VPS13B: variants seen among roughly 807,000 people sequenced by gnomAD.
VPS13B encodes the protein intermembrane lipid transfer protein VPS13B.
VPS13B carries 285 observed loss-of-function variants against 426.4 expected under a neutral mutation model. That is an observed-to-expected ratio of 0.67 (90% CI 0.61 to 0.74). VPS13B has a LOEUF of 0.74. VPS13B is among the 30% of genes least tolerant of loss of function. The pLI is 0.00. For missense variants in VPS13B, 4,537 were observed against 4,782.6 expected, an observed-to-expected ratio of 0.95 and a Z score of 1.51; for synonymous variants, 1,676 against 1,676.4, an observed-to-expected ratio of 1.00 and a Z score of 0.01.
intron 19 of VPS13B, among the ~76,000 whole-genome samples, chr8:99,352,788 C>T (rs1335156535): frequency 6.6e-6 from 1 of 151,310 alleles, no homozygotes; most frequent in African/African-American, 2.4e-5. Flanking sequence ...CGTGCCATTG[C>T]ACTCCAGCCT....
chr8:99,396,093 A>T (rs1171923434), intron 21 of VPS13B, among the ~76,000 whole-genome samples: 1 of 152,164 alleles, frequency 6.6e-6, no homozygotes, highest in Non-Finnish European at 1.5e-5. Context: ...AGCCTTATCG[A>T]ACCGTGGGAT....
chr8:99,138,634 A>G (rs1810212159), intron 12 of VPS13B, among the ~76,000 whole-genome samples: 1 of 152,240 alleles, frequency 6.6e-6, no homozygotes. Flanking sequence ...ATAAGAGGAA[A>G]ATTTTTGGAG....
At chr8:99,014,065 G>T in intron 2 of VPS13B, 130 bp downstream of exon 2, 6 of 868,178 alleles carry the variant, frequency 6.9e-6, no homozygotes, top group East Asian at 3.1e-5. Flanking sequence ...GAGCTACCCT[G>T]AAACAAGGGG....
chr8:99,573,637 C>T (rs941155619), intron 31 of VPS13B, among the ~76,000 whole-genome samples: 2 of 152,154 alleles, frequency 1.3e-5, no homozygotes, highest in African/African-American at 4.8e-5. Context: ...TCTGAGGGCT[C>T]TGTTCTGTTC....
intron 19 of VPS13B, among the ~76,000 whole-genome samples, chr8:99,281,536 A>G (rs1819170516): frequency 6.6e-6 from 1 of 152,216 alleles, no homozygotes; most frequent in East Asian, 1.9e-4. Flanking sequence ...CCTGTTATGT[A>G]ATTCACTGCA....
At chr8:99,766,553 T>TTG (rs1352609922) in intron 39 of VPS13B, among the ~76,000 whole-genome samples, 1 of 152,218 alleles carries the variant, frequency 6.6e-6, no homozygotes, top group African/African-American at 2.4e-5. Context: ...CTTTTAAAAT[T>TTG]TTGGCTGTTT....
intron 5 of VPS13B, among the ~76,000 whole-genome samples, chr8:99,107,830 A>G (rs1474392737): frequency 3.3e-5 from 5 of 152,204 alleles, no homozygotes; most frequent in Non-Finnish European, 7.3e-5. Context: ...GAGAATTAAT[A>G]TTTCTTTTTA....
Position 99,384,578 on chromosome 8 carries a change from AC to A in VPS13B, c.2934+263del, listed in dbSNP as rs141217373. Among the ~76,000 whole-genome samples the A allele has an allele frequency of 0.014, 2,072 of 152,266 alleles. 42 individuals are homozygous for A. The highest frequency in any genetic ancestry group is 0.047 in the African/African-American group (1,961 of 41,546). ...GAAACTAGTTTAGGAGTCCTATTTC[AC>A]CAGTCTTCATTCTTTCATAGTGTCT... is the stretch of plus-strand genomic sequence containing the variant. On this transcript the variant is annotated intron_variant, in intron 20 of 61. Coordinates refer to ENST00000357162, the MANE Select transcript of VPS13B (RefSeq NM_152564.5).
chr8:99,620,986 CAAAAAAAAAAA>C (rs397892235), intron 33 of VPS13B, among the ~76,000 whole-genome samples: 3 of 50,858 alleles, frequency 5.9e-5, no homozygotes, highest in Admixed American at 3.8e-4. Context: ...AACTCCATCT[CAAAAAAAAAAA>C]AAAAAAAAAA....
intron 3 of VPS13B, among the ~76,000 whole-genome samples, chr8:99,095,949 A>G (rs1042926404): frequency 2.0e-5 from 3 of 151,984 alleles, no homozygotes; most frequent in African/African-American, 7.2e-5. Flanking sequence ...AAAATTAAGA[A>G]CCTTTTTATT....
At chr8:99,155,746 C>G (rs949641611) in intron 14 of VPS13B, among the ~76,000 whole-genome samples, 10 of 152,084 alleles carry the variant, frequency 6.6e-5, no homozygotes, top group Admixed American at 2.6e-4. Context: ...CCAATACCCG[C>G]TAAAGGCCAA....
At chr8:99,483,542 G>A (rs1370796765) in intron 25 of VPS13B, among the ~76,000 whole-genome samples, 1 of 152,114 alleles carries the variant, frequency 6.6e-6, no homozygotes, top group Non-Finnish European at 1.5e-5. Context: ...TATATTTTGT[G>A]AAATCCTTTG....
chr8:99,400,200 T>A (rs1326502322), intron 21 of VPS13B, among the ~76,000 whole-genome samples: 1 of 152,234 alleles, frequency 6.6e-6, no homozygotes, highest in African/African-American at 2.4e-5. Context: ...CTTCCATTAC[T>A]GTTAGCACTA....
chr8:99,286,107 G>A (rs978388689), intron 19 of VPS13B, among the ~76,000 whole-genome samples: 7 of 151,968 alleles, frequency 4.6e-5, no homozygotes, highest in African/African-American at 1.7e-4. Context: ...GCTGCAAATA[G>A]TCTTAACTAT....
chr8:99,546,954 A>C (rs1824014634), intron 30 of VPS13B, among the ~76,000 whole-genome samples: 1 of 152,052 alleles, frequency 6.6e-6, no homozygotes. Flanking sequence ...TATTATGGAA[A>C]TTATTTAGAA....
chr8:99,040,454 A>G (rs1418666400), intron 3 of VPS13B, among the ~76,000 whole-genome samples: 1 of 152,182 alleles, frequency 6.6e-6, no homozygotes. Context: ...TGCAGTTGAC[A>G]TTTGGACAAA....
chr8:99,720,470 T>C lies in VPS13B; in HGVS notation c.6783T>C (p.Pro2261=), dbSNP rs1833090612. 2 of 1,614,040 alleles carry C rather than the reference T, an allele frequency of 1.2e-6. No homozygotes were observed. The highest frequency in any genetic ancestry group is 1.7e-6 in the Non-Finnish European group (2 of 1,179,932). Residue 2261 remains proline (P), a synonymous_variant, in exon 38 of 62, where the codon CCT becomes CCC. Coordinates refer to ENST00000357162, the MANE Select transcript of VPS13B (RefSeq NM_152564.5). ...VSEPVPQMSS[P]VEKNQTFKSE... ...AACCAGTGCCTCAAATGTCATCTCC[T>C]GTGGAAAAGAATCAGACATTTAAAA... is the stretch of plus-strand genomic sequence containing the variant.
At chr8:99,751,477 C>T (rs979821156) in intron 39 of VPS13B, among the ~76,000 whole-genome samples, 1 of 152,150 alleles carries the variant, frequency 6.6e-6, no homozygotes, top group East Asian at 1.9e-4. Flanking sequence ...CTTCAAATCA[C>T]TTCTAGTAAT....
chr8:99,168,820 T>C (rs1027347047), intron 15 of VPS13B, among the ~76,000 whole-genome samples: 1 of 152,046 alleles, frequency 6.6e-6, no homozygotes, highest in African/African-American at 2.4e-5. Context: ...TTTTCCTTGA[T>C]AGTAATTACA....
Sources: allele counts gnomAD v4.1 joint callset (sites outside exome capture counted in the v4.1 genomes callset), GRCh38; gene constraint gnomAD v4.1.1; transcripts MANE v1.5; gene names NCBI Gene and HGNC (gene_info 2026-07-23, HGNC 2026-07-21).